KIRREL3: variants seen among roughly 807,000 people sequenced by gnomAD.
The protein encoded by KIRREL3 is kirre like nephrin family adhesion molecule 3.
KIRREL3 carries 36 observed loss-of-function variants against 89.7 expected under a neutral mutation model. The observed-to-expected ratio is 0.40, with a 90% CI of 0.31 to 0.53. KIRREL3 has a LOEUF of 0.53. KIRREL3 is among the 20% of genes least tolerant of loss of function. KIRREL3 has a pLI of 0.49. For missense variants in KIRREL3, 864 were observed against 1,056.6 expected, an observed-to-expected ratio of 0.82 and a Z score of 2.53; for synonymous variants, 445 against 441.4, an observed-to-expected ratio of 1.01 and a Z score of -0.10.
At position 126,755,990 on chromosome 11, in the gene KIRREL3, CATT is replaced by C. The variant is rs1482810153; in HGVS notation, c.56-193081_56-193079del. On this transcript the variant is annotated intron_variant, in intron 1 of 16. Transcript: ENST00000525144. This position sits in a 1 kb window ranked among gnomAD's most constrained non-coding sequence, Gnocchi z 4.3. ...GTTATCTTGATATAAGAACAGGTAT[CATT>C]AATTGACTAGCAATGGAATGGGAGC... Among the ~76,000 whole-genome samples, 1 of 152,126 alleles carries C rather than the reference CATT, an allele frequency of 6.6e-6. No individual in the cohort carries two copies. Among genetic ancestry groups the C allele is most frequent in the East Asian group, 1.9e-4 (1 of 5,194 alleles).
rs1191208433 is a variant in KIRREL3 at position 126,575,558 on chromosome 11, A to G, written c.56-12646T>C. Among the ~76,000 whole-genome samples, 2 of 152,178 alleles carry G rather than the reference A, an allele frequency of 1.3e-5. No homozygotes were observed. Among genetic ancestry groups the G allele is most frequent in the East Asian group, 1.9e-4 (1 of 5,202 alleles). On this transcript the variant is annotated intron_variant, in intron 1 of 16. Transcript: ENST00000525144. The surrounding 1 kb of genome is among the most constrained non-coding windows in gnomAD (Gnocchi z 7.0). ...AATGGTACTTACTTATAAATATAAT[A>G]TATTATTAGAAAGTACAGGGGTATG...
At chr11:126,919,291 C>T (rs1027198736) in intron 1 of KIRREL3, among the ~76,000 whole-genome samples, 2 of 152,086 alleles carry the variant, frequency 1.3e-5, no homozygotes, top group Admixed American at 6.6e-5. Flanking sequence ...AAGCTGGGCC[C>T]CTTGGTTAAA....
At position 126,614,382 on chromosome 11, in the gene KIRREL3, C is replaced by A. The variant is rs1019374039; in HGVS notation, c.56-51470G>T. On this transcript the variant is annotated intron_variant, in intron 1 of 16. Transcript: ENST00000525144. This position sits in a 1 kb window ranked among gnomAD's most constrained non-coding sequence, Gnocchi z 4.6. The stretch of plus-strand genomic sequence containing the variant: ...TTGGACAACTCACTTCCATTCTTTG[C>A]GCTGTTTTCTCAAGTGCAAAAGGAA... Among the ~76,000 whole-genome samples the A allele has an allele frequency of 6.6e-6, 1 of 151,946 alleles. No individual in the cohort carries two copies. Among genetic ancestry groups the A allele is most frequent in the Non-Finnish European group, 1.5e-5 (1 of 68,004 alleles).
chr11:126,472,389 G>A (rs1487201537), intron 5 of KIRREL3, among the ~76,000 whole-genome samples: 1 of 152,094 alleles, frequency 6.6e-6, no homozygotes, highest in Non-Finnish European at 1.5e-5. Context: ...GTTCATAGAT[G>A]CCCTCTTCTC....
intron 1 of KIRREL3, among the ~76,000 whole-genome samples, chr11:126,786,792 C>T (rs1163041865): frequency 2.6e-5 from 4 of 152,214 alleles, no homozygotes; most frequent in Admixed American, 6.5e-5. Flanking sequence ...GTCTGGGCAT[C>T]TCTGTTGGTC....
In KIRREL3 at chr11:126,709,127, A is replaced by T. The variant is rs1198155485; in HGVS notation, c.56-146215T>A. On this transcript the variant is annotated intron_variant, in intron 1 of 16. Transcript: ENST00000525144. The surrounding 1 kb of genome is among the most constrained non-coding windows in gnomAD (Gnocchi z 4.0). ...CTGTGCTGGGTCACTGTGTTACGCT[A>T]TGTGCTTGTTTCATTTAATACCGTC... Among the ~76,000 whole-genome samples the T allele has an allele frequency of 1.3e-5, 2 of 152,160 alleles. No individual in the cohort carries two copies. Among genetic ancestry groups the T allele is most frequent in the African/African-American group, 4.8e-5 (2 of 41,432 alleles).
At chr11:126,781,731 A>C (rs972429391) in intron 1 of KIRREL3, among the ~76,000 whole-genome samples, 1 of 152,234 alleles carries the variant, frequency 6.6e-6, no homozygotes, top group African/African-American at 2.4e-5. Context: ...AGGACACCAA[A>C]GGGCTCTGTG....
chr11:126,906,401 G>C lies in KIRREL3; in HGVS notation c.55+94054C>G, dbSNP rs1946583551. ...TCAGTCTTATCAAAAGAGGGAAACT[G>C]AGGCTTAAGGAACGGAAGTATTAGC... is the stretch of plus-strand genomic sequence containing the variant. On this transcript the variant is annotated intron_variant, in intron 1 of 16. Transcript: ENST00000525144. This position sits in a 1 kb window ranked among gnomAD's most constrained non-coding sequence, Gnocchi z 4.1. Among the ~76,000 whole-genome samples, 1 of 152,164 alleles carries C rather than the reference G, an allele frequency of 6.6e-6. No homozygotes were observed. The highest frequency in any genetic ancestry group is 2.4e-5 in the African/African-American group (1 of 41,448).
chr11:126,688,938 T>C (rs1457749259), intron 1 of KIRREL3, among the ~76,000 whole-genome samples: 2 of 151,310 alleles, frequency 1.3e-5, no homozygotes, highest in African/African-American at 2.4e-5. Context: ...AGCAAGAAAA[T>C]GGTAGGACAG....
intron 1 of KIRREL3, among the ~76,000 whole-genome samples, chr11:126,733,449 A>G (rs1171381228): frequency 6.6e-6 from 1 of 152,180 alleles, no homozygotes; most frequent in Non-Finnish European, 1.5e-5. Flanking sequence ...AGATGAAACC[A>G]GTTTGCATCT....
chr11:126,567,513 C>A (rs922900834), intron 1 of KIRREL3, among the ~76,000 whole-genome samples: 7 of 152,196 alleles, frequency 4.6e-5, no homozygotes, highest in Non-Finnish European at 1.0e-4. Context: ...ATAGACAGGA[C>A]AGGGAGGAGT....
At position 126,771,277 on chromosome 11, in the gene KIRREL3, G is replaced by C. The variant is rs1950013118; in HGVS notation, c.56-208365C>G. ...ACTGTTTTTTTTTTTAAACAGATGAGGAAACCGAGGCTTAGAGTGGTTAAA... is the reference window on the plus strand; with the variant it reads ...ACTGTTTTTTTTTTTAAACAGATGACGAAACCGAGGCTTAGAGTGGTTAAA... On this transcript the variant is annotated intron_variant, in intron 1 of 16. Coordinates refer to ENST00000525144, the MANE Select transcript of KIRREL3 (RefSeq NM_032531.4). The surrounding 1 kb of genome is among the most constrained non-coding windows in gnomAD (Gnocchi z 4.4). 6.6e-6 allele frequency among the ~76,000 whole-genome samples: 1 copy of C among 151,722 alleles called. No homozygotes were observed. Among genetic ancestry groups the C allele is most frequent in the Admixed American group, 6.6e-5 (1 of 15,244 alleles).
intron 5 of KIRREL3, among the ~76,000 whole-genome samples, chr11:126,469,864 C>T (rs1248990976): frequency 6.6e-6 from 1 of 152,256 alleles, no homozygotes; most frequent in African/African-American, 2.4e-5. Flanking sequence ...TGACTGTCCC[C>T]TGAGGAATCT....
At chr11:126,984,704 G>T (rs1265060375) in intron 1 of KIRREL3, among the ~76,000 whole-genome samples, 1 of 152,168 alleles carries the variant, frequency 6.6e-6, no homozygotes, top group African/African-American at 2.4e-5. Context: ...CAGGAACTTT[G>T]TCCAAGCTCC....
At chr11:126,819,319 G>T (rs1212514518) in intron 1 of KIRREL3, among the ~76,000 whole-genome samples, 2 of 152,218 alleles carry the variant, frequency 1.3e-5, no homozygotes, top group African/African-American at 4.8e-5. Context: ...CCCTACCAGA[G>T]CCGCTCAGGG....
At chr11:126,483,528 C>G (rs1957275684) in intron 4 of KIRREL3, among the ~76,000 whole-genome samples, 1 of 152,238 alleles carries the variant, frequency 6.6e-6, no homozygotes, top group Admixed American at 6.5e-5. Context: ...CATCAACTGT[C>G]TCTCCACTTC....
chr11:126,766,250 C>T lies in KIRREL3; in HGVS notation c.56-203338G>A, dbSNP rs1033345298. 6.6e-6 allele frequency among the ~76,000 whole-genome samples: 1 copy of T among 152,026 alleles called. No individual in the cohort carries two copies. Among genetic ancestry groups the T allele is most frequent in the African/African-American group, 2.4e-5 (1 of 41,392 alleles). ...CTCAGTTGGCTGAGAACAGTAGGAG[C>T]CCATAACAGACAGCATGTCATCCAT... On this transcript the variant is annotated intron_variant, in intron 1 of 16. Coordinates refer to ENST00000525144, the MANE Select transcript of KIRREL3 (RefSeq NM_032531.4). This position sits in a 1 kb window ranked among gnomAD's most constrained non-coding sequence, Gnocchi z 4.2.
At chr11:126,509,338 A>G (rs1034193632) in intron 4 of KIRREL3, among the ~76,000 whole-genome samples, 16 of 152,026 alleles carry the variant, frequency 1.1e-4, no homozygotes, top group African/African-American at 3.9e-4. Flanking sequence ...TTCATACTCA[A>G]TCACGTCTCT....
intron 1 of KIRREL3, among the ~76,000 whole-genome samples, chr11:126,979,287 C>T (rs1949660896): frequency 6.6e-6 from 1 of 152,106 alleles, no homozygotes; most frequent in Non-Finnish European, 1.5e-5. Context: ...TATAAATCAG[C>T]TAATCGGTTT....
Sources: allele counts gnomAD v4.1 joint callset (sites outside exome capture counted in the v4.1 genomes callset), GRCh38; gene constraint gnomAD v4.1.1; non-coding constraint Gnocchi (gnomAD v3.1); transcripts MANE v1.5; gene names NCBI Gene and HGNC (gene_info 2026-07-23, HGNC 2026-07-21).